HRH1: variants seen among roughly 807,000 people sequenced by gnomAD.
HRH1 encodes the protein histamine H1 receptor.
A neutral mutation model predicts 10.3 loss-of-function variants in HRH1; 6 were observed. The ratio of observed to expected loss-of-function variants is 0.58; its 90% CI spans 0.32 to 1.15. The LOEUF (loss-of-function observed/expected upper bound fraction) is 1.15, where lower values mean the gene tolerates loss of function less well. HRH1 is among the 50% of genes most tolerant of loss of function. HRH1 has a pLI of 0.05. For synonymous variants in HRH1, 242 were observed against 236.7 expected (o/e 1.02, Z -0.21); for missense variants, 514 against 615.3 (o/e 0.84, Z 1.74).
At chr3:11,202,463 G>T (rs926359791) in intron 1 of HRH1, among the ~76,000 whole-genome samples, 144 of 144,954 alleles carry the variant, frequency 9.9e-4, no homozygotes, top group African/African-American at 3.5e-3. Flanking sequence ...GGGAACCTTT[G>T]TTTGGGAGCC....
At chr3:11,196,223 G>A (rs1282717106) in intron 1 of HRH1, among the ~76,000 whole-genome samples, 1 of 152,128 alleles carries the variant, frequency 6.6e-6, no homozygotes, top group East Asian at 1.9e-4. Context: ...TCCCTCCCTG[G>A]CCCTGCGCAG....
intron 1 of HRH1, among the ~76,000 whole-genome samples, chr3:11,161,070 C>A (rs559244332): frequency 6.6e-6 from 1 of 151,904 alleles, no homozygotes; most frequent in African/African-American, 2.4e-5. Context: ...GTGGCCAAAC[C>A]CAAGAGAAGG....
intron 1 of HRH1, among the ~76,000 whole-genome samples, chr3:11,141,568 T>C (rs935024457): frequency 4.8e-4 from 73 of 152,264 alleles, no homozygotes; most frequent in African/African-American, 1.6e-3. Context: ...TGGCTGTTGG[T>C]GGGAGGCATT....
At chr3:11,192,103 C>T (rs889208826) in intron 1 of HRH1, among the ~76,000 whole-genome samples, 1 of 152,186 alleles carries the variant, frequency 6.6e-6, no homozygotes, top group Non-Finnish European at 1.5e-5. Flanking sequence ...ATCCATGGAC[C>T]TTTATTAGTA....
rs913975962 is a variant in HRH1 at position 11,175,243 on chromosome 3, C to A, written c.-36+20689C>A. ...TTAAACCTTTGAAGTAGGTATTTATCCCCATTTTGCAGATGAGGAAGTTAA... is the reference window on the plus strand; with the variant it reads ...TTAAACCTTTGAAGTAGGTATTTATACCCATTTTGCAGATGAGGAAGTTAA... On this transcript the variant is annotated intron_variant, in intron 1 of 1. Coordinates refer to ENST00000431010, the MANE Select transcript of HRH1 (RefSeq NM_001098212.2). 1.3e-5 allele frequency among the ~76,000 whole-genome samples: 2 copies of A among 152,312 alleles called. 1 individual carries two copies. The highest frequency in any genetic ancestry group is 4.1e-4 in the South Asian group (2 of 4,826).
Position 11,209,964 on chromosome 3 carries a change from C to T in HRH1, c.-35-49039C>T, listed in dbSNP as rs1938268718. 3.3e-5 allele frequency among the ~76,000 whole-genome samples: 5 copies of T among 152,214 alleles called. No individual in the cohort carries two copies. In the South Asian group the frequency reaches 1.0e-3, roughly 32 times the overall value. ...TCTCTGGATCCTATCCCAGTGTCAACACAAGTTAGATCGCATCAAATGCAG... is the reference window on the plus strand; with the variant it reads ...TCTCTGGATCCTATCCCAGTGTCAATACAAGTTAGATCGCATCAAATGCAG... On this transcript the variant is annotated intron_variant, in intron 1 of 1. Transcript: ENST00000431010.
At chr3:11,230,325 G>A (rs1939006406) in intron 1 of HRH1, among the ~76,000 whole-genome samples, 1 of 152,204 alleles carries the variant, frequency 6.6e-6, no homozygotes, top group East Asian at 1.9e-4. Flanking sequence ...AAGAATCAAG[G>A]AGCAAGAGGC....
chr3:11,260,199 A>G lies in HRH1; in HGVS notation c.1162A>G (p.Lys388Glu), dbSNP rs767712047. Residue 388 changes from lysine (K) to glutamate (E), a missense_variant, in exon 2 of 2, where the codon AAG becomes GAG. Transcript: ENST00000431010. ...GTCTAACACAGGCCTGGATTACATC[A>G]AGTTTACTTGGAAGAGGCTCCGCTC... ...SGSNTGLDYI[K>E]FTWKRLRSHS... 1 of 1,614,082 alleles carries G rather than the reference A, an allele frequency of 6.2e-7. No individual in the cohort carries two copies. Among genetic ancestry groups the G allele is most frequent in the Non-Finnish European group, 8.5e-7 (1 of 1,180,034 alleles).
At chr3:11,176,958 T>G (rs1937260526) in intron 1 of HRH1, among the ~76,000 whole-genome samples, 1 of 152,092 alleles carries the variant, frequency 6.6e-6, no homozygotes, top group African/African-American at 2.4e-5. Context: ...TTGGGCGTGG[T>G]GGCACACGCC....
chr3:11,167,514 C>A (rs1396566486), intron 1 of HRH1, among the ~76,000 whole-genome samples: 2 of 151,720 alleles, frequency 1.3e-5, no homozygotes, highest in Non-Finnish European at 2.9e-5. Context: ...CATCTGCTGT[C>A]CCCTGCATTC....
At chr3:11,196,286 C>T (rs1937647488) in intron 1 of HRH1, among the ~76,000 whole-genome samples, 1 of 152,240 alleles carries the variant, frequency 6.6e-6, no homozygotes, top group Non-Finnish European at 1.5e-5. Context: ...TTGTGCCATT[C>T]CTTCATCCTG....
rs868261100 is a variant in HRH1, at chr3:11,250,062, A to G, written c.-35-8941A>G. ...TTTTTTTTTTTTTTTTTTTTTTTTGAGACGGAGTCTCGCTCTGCCGCCCAG... is the reference window on the plus strand; with the variant it reads ...TTTTTTTTTTTTTTTTTTTTTTTTGGGACGGAGTCTCGCTCTGCCGCCCAG... On this transcript the variant is annotated intron_variant, in intron 1 of 1. Coordinates refer to ENST00000431010, the MANE Select transcript of HRH1 (RefSeq NM_001098212.2). Among the ~76,000 whole-genome samples, 17 of 51,044 alleles carry G rather than the reference A, an allele frequency of 3.3e-4. No individual in the cohort carries two copies. The South Asian group carries it at 0.015, about 44-fold the overall frequency. 33.5% of individuals were successfully genotyped at this position (51,044 alleles called of 152,430 possible).
chr3:11,217,190 A>C (rs557953625), intron 1 of HRH1, among the ~76,000 whole-genome samples: 142 of 150,944 alleles, frequency 9.4e-4, no homozygotes, highest in African/African-American at 3.2e-3. Flanking sequence ...CGTCTCCAAA[A>C]ACAAACACAC....
At chr3:11,228,730 G>A (rs1938961945) in intron 1 of HRH1, among the ~76,000 whole-genome samples, 1 of 151,910 alleles carries the variant, frequency 6.6e-6, no homozygotes, top group African/African-American at 2.4e-5. Flanking sequence ...CGGCCAACAT[G>A]GCAAAACCCC....
At chr3:11,199,400 T>G (rs1341106120) in intron 1 of HRH1, among the ~76,000 whole-genome samples, 1 of 152,120 alleles carries the variant, frequency 6.6e-6, no homozygotes, top group Admixed American at 6.6e-5. Flanking sequence ...CGCATGCTGT[T>G]CCCTCTGCCT....
At chr3:11,229,140 C>A (rs1938974635) in intron 1 of HRH1, among the ~76,000 whole-genome samples, 1 of 152,156 alleles carries the variant, frequency 6.6e-6, no homozygotes, top group African/African-American at 2.4e-5. Context: ...CTTTATCAAC[C>A]TTTCCACCTT....
chr3:11,161,105 C>A (rs1196185092), intron 1 of HRH1, among the ~76,000 whole-genome samples: 1 of 152,096 alleles, frequency 6.6e-6, no homozygotes, highest in Middle Eastern at 3.2e-3. Context: ...TGTCATTCTC[C>A]TCCTGCCCTG....
chr3:11,187,438 A>G (rs1937468273), intron 1 of HRH1, among the ~76,000 whole-genome samples: 1 of 151,910 alleles, frequency 6.6e-6, no homozygotes, highest in Non-Finnish European at 1.5e-5. Flanking sequence ...ATATAATAAT[A>G]TATAAAAATA....
intron 1 of HRH1, among the ~76,000 whole-genome samples, chr3:11,238,227 G>A (rs1360307470): frequency 6.6e-6 from 1 of 152,148 alleles, no homozygotes; most frequent in Non-Finnish European, 1.5e-5. Context: ...TCACAGATGT[G>A]CGGGAGGAAA....
Sources: allele counts gnomAD v4.1 joint callset (sites outside exome capture counted in the v4.1 genomes callset), GRCh38; gene constraint gnomAD v4.1.1; transcripts MANE v1.5; gene names NCBI Gene and HGNC (gene_info 2026-07-23, HGNC 2026-07-21).